EXO1: variants seen among roughly 807,000 people sequenced by gnomAD.
The protein encoded by EXO1 is exonuclease 1.
A neutral mutation model predicts 84.5 loss-of-function variants in EXO1; 69 were observed. The ratio of observed to expected loss-of-function variants is 0.82; its 90% CI spans 0.67 to 1.00. EXO1 has a LOEUF of 1.00. Among genes scored for constraint, EXO1 ranks in the 50% least tolerant of loss-of-function variants. EXO1 has a pLI of 0.00. For missense variants in EXO1, 1,045 were observed against 1,000.7 expected, an observed-to-expected ratio of 1.04 and a Z score of -0.60; for synonymous variants, 373 against 366.1, an observed-to-expected ratio of 1.02 and a Z score of -0.21.
rs1188078373 is a variant in EXO1, at chr1:241,875,750, C to T, written c.1515-2999C>T. ...AAAATTAGCCGGGCGTGGTGGCGGG[C>T]GCTAGTAGTCCCAGCTGTTTGGGAG... On this transcript the variant is annotated intron_variant, in intron 12 of 15. Transcript: ENST00000366548. 7.2e-5 allele frequency among the ~76,000 whole-genome samples: 11 copies of T among 152,102 alleles called. No homozygotes were observed. The South Asian group carries it at 1.2e-3, about 17-fold the overall frequency.
intron 10 of EXO1, among the ~76,000 whole-genome samples, chr1:241,861,822 A>T (rs1056511517): frequency 6.6e-6 from 1 of 152,308 alleles, no homozygotes; most frequent in African/African-American, 2.4e-5. Context: ...ATTTGGCATC[A>T]TTGAAGACCC....
In EXO1 at chr1:241,858,854, G is replaced by C. The variant is rs1661213314; in HGVS notation, c.756+136G>C. ...ATTATTAAAAGGAGCAAATGACTGAGGCACTAGAACTTTGCCTTAGCAACT... is the reference window on the plus strand; with the variant it reads ...ATTATTAAAAGGAGCAAATGACTGACGCACTAGAACTTTGCCTTAGCAACT... On this transcript the variant is annotated intron_variant, in intron 8 of 15. Coordinates refer to ENST00000366548, the MANE Select transcript of EXO1 (RefSeq NM_130398.4). 3.0e-5 allele frequency: 22 copies of C among 725,408 alleles called. 1 individual carries two copies. In the South Asian group the frequency reaches 3.6e-4, roughly 12 times the overall value. 44.9% of individuals were successfully genotyped at this position (725,408 alleles called of 1,614,324 possible).
chr1:241,873,884 C>T (rs1231755142), intron 12 of EXO1, among the ~76,000 whole-genome samples: 4 of 152,148 alleles, frequency 2.6e-5, no homozygotes, highest in Admixed American at 2.0e-4. Context: ...CACCAAGTAC[C>T]TTCCCAGTAC....
Position 241,878,935 on chromosome 1 carries a change from T to C in EXO1, c.1701T>C (p.His567=). ...CAAGTGATGACATTCCGAATAATCA[T>C]ATTCCAGGTGATCATATTCCAGACA... ...RNSSDDIPNN[H]IPGDHIPDKA... The change falls in exon 13 of 16, where the codon CAT becomes CAC. Residue 567 remains histidine, a synonymous_variant. Transcript: ENST00000366548. 1.9e-6 allele frequency: 3 copies of C among 1,614,196 alleles called. No homozygotes were observed. Among genetic ancestry groups the C allele is most frequent in the Non-Finnish European group, 2.5e-6 (3 of 1,180,014 alleles).
At chr1:241,866,697 G>A in intron 10 of EXO1, 133 bp from the exon 11 acceptor site, 1 of 720,080 alleles carries the variant, frequency 1.4e-6, no homozygotes, top group Non-Finnish European at 2.5e-6. Context: ...GTTATTCAAG[G>A]ACAGCTGTTT....
chr1:241,859,293 T>G (rs1165394027), intron 8 of EXO1, among the ~76,000 whole-genome samples: 1 of 152,186 alleles, frequency 6.6e-6, no homozygotes, highest in East Asian at 1.9e-4. Context: ...GCAAATCTCT[T>G]TAATGTGGCC....
intron 14 of EXO1, among the ~76,000 whole-genome samples, chr1:241,884,703 A>G (rs1211988779): frequency 6.6e-6 from 1 of 151,692 alleles, no homozygotes; most frequent in Non-Finnish European, 1.5e-5. Context: ...CAGTGGATGC[A>G]TAGGAAGCTG....
chr1:241,875,358 A>G (rs1662331730), intron 12 of EXO1, among the ~76,000 whole-genome samples: 1 of 152,208 alleles, frequency 6.6e-6, no homozygotes, highest in Non-Finnish European at 1.5e-5. Flanking sequence ...AACCATGATG[A>G]TGGGAGAAGA....
intron 11 of EXO1, among the ~76,000 whole-genome samples, chr1:241,871,438 T>G (rs1662085784): frequency 6.6e-6 from 1 of 152,214 alleles, no homozygotes; most frequent in Non-Finnish European, 1.5e-5. Context: ...CTGTCTCAGA[T>G]TTTAAACTTT....
intron 11 of EXO1, among the ~76,000 whole-genome samples, chr1:241,869,017 CTG>C (rs1187330425): frequency 6.6e-6 from 1 of 152,192 alleles, no homozygotes; most frequent in East Asian, 1.9e-4. Flanking sequence ...ATATAAATGA[CTG>C]TGTCACCTAT....
chr1:241,859,555 C>T (rs893358588), intron 8 of EXO1, among the ~76,000 whole-genome samples: 11 of 151,946 alleles, frequency 7.2e-5, no homozygotes, highest in Non-Finnish European at 1.3e-4. Context: ...TGTGTGGAAA[C>T]GTAAATGGAT....
intron 11 of EXO1, 113 bp from the exon 12 acceptor site, chr1:241,871,919 T>G (rs1167986575): frequency 9.6e-6 from 7 of 731,790 alleles, no homozygotes; most frequent in South Asian, 2.0e-5. Context: ...TAGTTTTTTT[T>G]TTTTTTTTTT....
chr1:241,874,227 C>T (rs1423985584), intron 12 of EXO1, among the ~76,000 whole-genome samples: 5 of 152,096 alleles, frequency 3.3e-5, no homozygotes, highest in South Asian at 4.2e-4. Context: ...GGGGAAACCC[C>T]GTCCTTCCTA....
At chr1:241,875,162 C>G (rs1322587892) in intron 12 of EXO1, among the ~76,000 whole-genome samples, 1 of 152,104 alleles carries the variant, frequency 6.6e-6, no homozygotes, top group Non-Finnish European at 1.5e-5. Context: ...CGCCACCATG[C>G]CCAGCTAATT....
intron 12 of EXO1, among the ~76,000 whole-genome samples, chr1:241,874,865 A>T (rs544730104): frequency 6.6e-6 from 1 of 152,246 alleles, no homozygotes; most frequent in Non-Finnish European, 1.5e-5. Flanking sequence ...GTGGTGCCAC[A>T]ACATGAAAAA....
chr1:241,867,287 G>A (rs1400031936), intron 11 of EXO1, among the ~76,000 whole-genome samples: 1 of 152,188 alleles, frequency 6.6e-6, no homozygotes, highest in Non-Finnish European at 1.5e-5. Context: ...CACAATTATG[G>A]TGGAAGGTGA....
At chr1:241,887,135 G>A (rs1663111105) in intron 15 of EXO1, among the ~76,000 whole-genome samples, 1 of 152,082 alleles carries the variant, frequency 6.6e-6, no homozygotes, top group Non-Finnish European at 1.5e-5. Flanking sequence ...CTGACTTTTT[G>A]TACTCTGTGT....
At chr1:241,886,932 C>T (rs1028956403) in intron 15 of EXO1, among the ~76,000 whole-genome samples, 31 of 151,940 alleles carry the variant, frequency 2.0e-4, no homozygotes, top group African/African-American at 7.5e-4. Flanking sequence ...GTATCTGCTT[C>T]TACATTTGAT....
At position 241,889,872 on chromosome 1, in the gene EXO1, A is replaced by G; in HGVS notation, c.*272A>G. On this transcript the variant is annotated 3_prime_UTR_variant, in exon 16 of 16. Coordinates refer to ENST00000366548, the MANE Select transcript of EXO1 (RefSeq NM_130398.4). ...TAATTGGGAAAATCCTCTGGAGTTT[A>G]TAAAAGTCTACTCTAAATATTTCTG... The G allele has an allele frequency of 2.3e-6, 1 of 431,038 alleles. No homozygotes were observed. Among genetic ancestry groups the G allele is most frequent in the Non-Finnish European group, 4.2e-6 (1 of 235,850 alleles). 26.7% of individuals were successfully genotyped at this position (431,038 alleles called of 1,614,324 possible). A position where few individuals can be genotyped will look rare whatever the true frequency, so the allele number is the denominator to read the frequency against.
Sources: allele counts gnomAD v4.1 joint callset (sites outside exome capture counted in the v4.1 genomes callset), GRCh38; gene constraint gnomAD v4.1.1; transcripts MANE v1.5; gene names NCBI Gene and HGNC (gene_info 2026-07-23, HGNC 2026-07-21).